DNAH6: variants seen among roughly 807,000 people sequenced by gnomAD.
DNAH6 encodes axonemal beta dynein heavy chain 6.
A neutral mutation model predicts 491.4 loss-of-function variants in DNAH6; 340 were observed. The ratio of observed to expected loss-of-function variants is 0.69; its 90% confidence interval spans 0.63 to 0.76. The LOEUF is 0.76. Ranked by LOEUF, DNAH6 falls within the 30% of genes least tolerant of loss-of-function variation. The pLI is 0.00. For missense variants in DNAH6, 4,443 were observed against 4,972.2 expected, an observed-to-expected ratio of 0.89 and a Z score of 3.20; for synonymous variants, 1,603 against 1,686.1, an observed-to-expected ratio of 0.95 and a Z score of 1.21.
At chr2:84,691,983 G>A (rs1020478742) in intron 45 of DNAH6, among the ~76,000 whole-genome samples, 4 of 152,232 alleles carry the variant, frequency 2.6e-5, no homozygotes, top group Non-Finnish European at 4.4e-5. Context: ...AAAGGTGGAG[G>A]AAACAAATTT....
intron 16 of DNAH6, among the ~76,000 whole-genome samples, chr2:84,591,139 T>C (rs1684074385): frequency 6.6e-6 from 1 of 152,192 alleles, no homozygotes; most frequent in Non-Finnish European, 1.5e-5. Flanking sequence ...CAAACTTCTA[T>C]ATCATCTGTC....
intron 63 of DNAH6, among the ~76,000 whole-genome samples, chr2:84,746,800 A>C (rs949545017): frequency 1.8e-4 from 28 of 152,168 alleles, no homozygotes; most frequent in African/African-American, 6.8e-4. Flanking sequence ...CAAGCATGAC[A>C]CCAGCATTTT....
chr2:84,773,964 AT>A (rs1183415385), intron 64 of DNAH6, among the ~76,000 whole-genome samples: 1 of 151,962 alleles, frequency 6.6e-6, no homozygotes, highest in African/African-American at 2.4e-5. Context: ...TTTCTTATAG[AT>A]TCTGAAAATT....
chr2:84,601,008 A>G (rs1411428346), intron 18 of DNAH6, among the ~76,000 whole-genome samples: 2 of 147,246 alleles, frequency 1.4e-5, no homozygotes, highest in African/African-American at 4.9e-5. Context: ...ATATACTATA[A>G]TAATATTATA....
Position 84,813,850 on chromosome 2 carries a change from G to A in DNAH6, c.11999-121G>A, listed in dbSNP as rs767674307. Reference sequence around the variant, plus strand: ...ACTCAGAGGAAGGTATTAAGAGTTGGGTCTTCTCTGTGGTGGGAAGGCTCT... The same window carrying A: ...ACTCAGAGGAAGGTATTAAGAGTTGAGTCTTCTCTGTGGTGGGAAGGCTCT... On this transcript the variant is annotated intron_variant, in intron 74 of 76. Coordinates refer to ENST00000389394, the MANE Select transcript of DNAH6 (RefSeq NM_001370.2). 3 of 957,418 alleles carry A rather than the reference G, an allele frequency of 3.1e-6. No individual in the cohort carries two copies. In the Admixed American group the frequency reaches 7.0e-5, roughly 22 times the overall value. The allele number at this position is 957,418 out of a possible 1,614,324, so 59.3% of individuals were successfully genotyped here.
chr2:84,470,176 A>G, the DNAH6 span, among the ~76,000 whole-genome samples: 1,682 of 152,186 alleles, frequency 0.011, 28 homozygotes, highest in African/African-American at 0.039. Flanking sequence ...ACAGGACACC[A>G]ACACTTACCC....
chr2:84,683,245 C>T (rs1693958956), intron 42 of DNAH6, among the ~76,000 whole-genome samples: 1 of 152,062 alleles, frequency 6.6e-6, no homozygotes, highest in African/African-American at 2.4e-5. Context: ...CTTAGTTCAC[C>T]ACTGTATCCC....
At chr2:84,705,800 T>C (rs932844799) in intron 52 of DNAH6, 53 bp downstream of exon 52, 65 of 1,499,428 alleles carry the variant, frequency 4.3e-5, no homozygotes, top group Non-Finnish European at 5.7e-5. Context: ...TGATCGCCAG[T>C]CATTTCAAGT....
At position 84,619,886 on chromosome 2, in the gene DNAH6, G is replaced by A. The variant is rs1687238887; in HGVS notation, c.3774G>A (p.Leu1258=). 1.9e-6 allele frequency: 3 copies of A among 1,550,978 alleles called. No individual in the cohort carries two copies. The highest frequency in any genetic ancestry group is 2.6e-6 in the Non-Finnish European group (3 of 1,146,456). ...KVYTNDILAM[L]SPEGERVSLG... ...ATACTAATGATATTTTAGCAATGCTGTCACCAGAGGGAGAAAGGGTGAGGT... is the reference window on the plus strand; with the variant it reads ...ATACTAATGATATTTTAGCAATGCTATCACCAGAGGGAGAAAGGGTGAGGT... Residue 1258 remains leucine, a synonymous_variant, in exon 24 of 77, where the codon CTG becomes CTA. Coordinates refer to ENST00000389394, the MANE Select transcript of DNAH6 (RefSeq NM_001370.2).
At chr2:84,693,220 A>T (rs1695044787) in intron 45 of DNAH6, among the ~76,000 whole-genome samples, 1 of 151,608 alleles carries the variant, frequency 6.6e-6, no homozygotes, top group Non-Finnish European at 1.5e-5. Context: ...TTTCTCTCCC[A>T]TTATTTTAAG....
At chr2:84,729,616 T>C (rs891519858) in intron 61 of DNAH6, among the ~76,000 whole-genome samples, 1 of 152,210 alleles carries the variant, frequency 6.6e-6, no homozygotes, top group Admixed American at 6.5e-5. Flanking sequence ...CTACTTCTCA[T>C]GAACAGCATA....
chr2:84,604,486 C>G lies in DNAH6; in HGVS notation c.3016C>G (p.Gln1006Glu). 6.4e-7 allele frequency: 1 copy of G among 1,551,724 alleles called. No homozygotes were observed. Among genetic ancestry groups the G allele is most frequent in the Non-Finnish European group, 8.7e-7 (1 of 1,146,996 alleles). Residue 1006 changes from glutamine (Q) to glutamate (E), a missense_variant, in exon 19 of 77, where the codon CAA (glutamine) becomes GAA (glutamate). By Grantham distance (29) the Gln-to-Glu change is conservative (BLOSUM62 2). This residue lies in a region of DNAH6 where 2,977 missense variants were observed against 3,296.6 expected (regional missense o/e 0.90). Coordinates refer to ENST00000389394, the MANE Select transcript of DNAH6 (RefSeq NM_001370.2). ...LSQLHVFDFG[Q>E]EIQDISGQAS... The stretch of plus-strand genomic sequence containing the variant: ...CCAGTTGCATGTTTTTGACTTTGGT[C>G]AAGAAATCCAGGACATATCTGGACA...
intron 64 of DNAH6, among the ~76,000 whole-genome samples, chr2:84,775,433 C>T (rs370473291): frequency 1.1e-4 from 17 of 152,008 alleles, no homozygotes; most frequent in South Asian, 2.1e-4. Flanking sequence ...TGAGAATTTT[C>T]GCATCTATGT....
intron 41 of DNAH6, among the ~76,000 whole-genome samples, chr2:84,680,814 C>G (rs1693709396): frequency 6.6e-6 from 1 of 151,990 alleles, no homozygotes; most frequent in Non-Finnish European, 1.5e-5. Flanking sequence ...GAAATGTGTT[C>G]AAGATTGATT....
chr2:84,618,258 A>G (rs1687072728), intron 23 of DNAH6, among the ~76,000 whole-genome samples: 1 of 152,078 alleles, frequency 6.6e-6, no homozygotes, highest in South Asian at 2.1e-4. Context: ...GTGCCACCAA[A>G]GTCTCGGCTT....
At chr2:84,646,483 A>G (rs769225778) in intron 33 of DNAH6, among the ~76,000 whole-genome samples, 1 of 152,234 alleles carries the variant, frequency 6.6e-6, no homozygotes, top group Non-Finnish European at 1.5e-5. Flanking sequence ...GATAGGCTGA[A>G]AGCTAGGCCT....
chr2:84,725,880 G>C (rs1392054808), intron 60 of DNAH6, among the ~76,000 whole-genome samples: 1 of 152,224 alleles, frequency 6.6e-6, no homozygotes, highest in Non-Finnish European at 1.5e-5. Flanking sequence ...GTTCTTGTCA[G>C]GTTGTTAAAG....
intron 4 of DNAH6, among the ~76,000 whole-genome samples, chr2:84,531,875 T>G (rs1489014995): frequency 6.6e-6 from 1 of 152,178 alleles, no homozygotes; most frequent in Non-Finnish European, 1.5e-5. Flanking sequence ...ACCACTACTT[T>G]ACTCGCTTGT....
In DNAH6 at chr2:84,786,107, AAT is replaced by A. The variant is rs879861478; in HGVS notation, c.11100+352_11100+353del. Among the ~76,000 whole-genome samples, 498 of 140,992 alleles carry A rather than the reference AAT, an allele frequency of 3.5e-3. 1 individual carries two copies. Among genetic ancestry groups the A allele is most frequent in the Middle Eastern group, 0.018 (5 of 278 alleles). 92.5% of individuals were successfully genotyped at this position (140,992 alleles called of 152,430 possible). Reference sequence around the variant, plus strand: ...GTGGTCTACAGAGAAAGAAAGAATGAATGAATGAATGAATGAATGAATGAATG... The same window carrying A: ...GTGGTCTACAGAGAAAGAAAGAATGAGAATGAATGAATGAATGAATGAATG... On this transcript the variant is annotated intron_variant, in intron 67 of 76. Transcript: ENST00000389394.
Sources: allele counts gnomAD v4.1 joint callset (sites outside exome capture counted in the v4.1 genomes callset), GRCh38; gene constraint gnomAD v4.1.1; regional missense constraint gnomAD v4.1.1; transcripts MANE v1.5; gene names NCBI Gene and HGNC (gene_info 2026-07-23, HGNC 2026-07-21).